SHC3: variants seen among roughly 807,000 people sequenced by gnomAD.
SHC3 encodes the protein SHC adaptor protein 3.
Under a neutral mutation model 60.4 loss-of-function variants are expected in SHC3, and 15 were observed. That is an observed-to-expected ratio of 0.25 (90% confidence interval 0.17 to 0.38). The LOEUF (loss-of-function observed/expected upper bound fraction) is 0.38. Ranked by LOEUF, SHC3 falls within the 10% of genes least tolerant of loss-of-function variation. The pLI, the probability that SHC3 is intolerant of heterozygous loss-of-function variation, is 1.00. For synonymous variants in SHC3, 294 were observed against 325.9 expected, an observed-to-expected ratio of 0.90 and a Z score of 1.05; for missense variants, 677 against 786.1, an observed-to-expected ratio of 0.86 and a Z score of 1.66.
At chr9:89,139,752 T>C (rs527600669) in intron 1 of SHC3, among the ~76,000 whole-genome samples, 1 of 152,326 alleles carries the variant, frequency 6.6e-6, no homozygotes, top group East Asian at 1.9e-4. Context: ...AAGAACACCA[T>C]TACAGTCAAA....
intron 2 of SHC3, among the ~76,000 whole-genome samples, chr9:89,102,242 C>A (rs1825793555): frequency 6.6e-6 from 1 of 152,124 alleles, no homozygotes; most frequent in Non-Finnish European, 1.5e-5. Flanking sequence ...AGCAGTTTAT[C>A]ATGGCATTGA....
chr9:89,037,690 G>T (rs1373924690), intron 11 of SHC3, among the ~76,000 whole-genome samples: 1 of 152,202 alleles, frequency 6.6e-6, no homozygotes, highest in East Asian at 1.9e-4. Context: ...CTAGAAATGT[G>T]TTTGTAAGGA....
chr9:89,060,537 C>T (rs1825070489), intron 6 of SHC3, among the ~76,000 whole-genome samples: 1 of 151,926 alleles, frequency 6.6e-6, no homozygotes, highest in South Asian at 2.1e-4. Context: ...CAAGAGCTTG[C>T]TTGGCACGGT....
intron 6 of SHC3, among the ~76,000 whole-genome samples, chr9:89,054,580 C>G (rs1258057877): frequency 6.6e-6 from 1 of 152,204 alleles, no homozygotes; most frequent in African/African-American, 2.4e-5. Context: ...AATAATGAGG[C>G]CTTCCCCAAA....
intron 1 of SHC3, among the ~76,000 whole-genome samples, chr9:89,156,984 G>T (rs1466093949): frequency 6.6e-6 from 1 of 152,020 alleles, no homozygotes; most frequent in African/African-American, 2.4e-5. Context: ...TTATGACCTT[G>T]CCTATAACTT....
chr9:89,070,868 T>C (rs1587709730), intron 5 of SHC3, among the ~76,000 whole-genome samples: 1 of 152,184 alleles, frequency 6.6e-6, no homozygotes, highest in Non-Finnish European at 1.5e-5. Flanking sequence ...AAACAAAAAG[T>C]AGGGCAAGAG....
intron 6 of SHC3, among the ~76,000 whole-genome samples, chr9:89,058,070 C>T (rs1824984872): frequency 6.6e-6 from 1 of 152,254 alleles, no homozygotes; most frequent in African/African-American, 2.4e-5. Flanking sequence ...TGTTGCCTGA[C>T]TTCAGACTCC....
chr9:89,016,851 T>C (rs1267329483), intron 11 of SHC3, among the ~76,000 whole-genome samples: 1 of 152,236 alleles, frequency 6.6e-6, no homozygotes, highest in Non-Finnish European at 1.5e-5. Flanking sequence ...TATGCGAAGT[T>C]GGTCCAATAT....
chr9:89,096,054 C>A (rs1305700147), intron 2 of SHC3, among the ~76,000 whole-genome samples: 3 of 152,136 alleles, frequency 2.0e-5, no homozygotes, highest in Non-Finnish European at 4.4e-5. Context: ...TGTAAACAAA[C>A]CACAGCTAAA....
At chr9:89,125,567 T>C (rs1826152091) in intron 1 of SHC3, among the ~76,000 whole-genome samples, 1 of 152,060 alleles carries the variant, frequency 6.6e-6, no homozygotes, top group Non-Finnish European at 1.5e-5. Context: ...TCCCAGAAGG[T>C]TAAGGCTTTC....
At chr9:89,148,941 T>C (rs2118210677) in intron 1 of SHC3, among the ~76,000 whole-genome samples, 1 of 152,346 alleles carries the variant, frequency 6.6e-6, no homozygotes, top group East Asian at 1.9e-4. Flanking sequence ...AAGAAAAGAA[T>C]AGAAGTTGGA....
rs1825965013 is a variant in SHC3, at chr9:89,112,565, T to A, written c.536A>T (p.Gln179Leu). Reference sequence around the variant, plus strand: ...TTTCAAGAGGGCTTACCTGGTAATTTGTGTTCTTGTACTGAAGTCAAGAGA... The same window carrying A: ...TTTCAAGAGGGCTTACCTGGTAATTAGTGTTCTTGTACTGAAGTCAAGAGA... ...MRSLDFSTRT[Q>L]ITREAISRVC... is the part of the protein sequence containing the mutation. Residue 179 changes from glutamine to leucine, a missense_variant, in exon 2 of 12, where the codon CAA becomes CTA. Coordinates refer to ENST00000375835, the MANE Select transcript of SHC3 (RefSeq NM_016848.6). 3.7e-6 allele frequency: 6 copies of A among 1,604,444 alleles called. No individual in the cohort carries two copies. The East Asian group carries it at 1.4e-4, about 36-fold the overall frequency.
intron 2 of SHC3, among the ~76,000 whole-genome samples, chr9:89,098,808 CA>C (rs35983816): frequency 2.0e-3 from 266 of 130,500 alleles, no homozygotes; most frequent in Middle Eastern, 0.012. Flanking sequence ...GACCCCATCT[CA>C]AAAAAAAAAA....
intron 2 of SHC3, among the ~76,000 whole-genome samples, chr9:89,081,018 G>A (rs946913507): frequency 5.9e-5 from 9 of 151,854 alleles, no homozygotes; most frequent in Non-Finnish European, 1.0e-4. Flanking sequence ...CGCCCTCCTC[G>A]GCCTCCCAAA....
At position 89,112,651 on chromosome 9, in the gene SHC3, G is replaced by A. The variant is rs186206437; in HGVS notation, c.475-25C>T. On this transcript the variant is annotated intron_variant, in intron 1 of 11. Coordinates refer to ENST00000375835, the MANE Select transcript of SHC3 (RefSeq NM_016848.6). Reference sequence around the variant, plus strand: ...ACTGCAAGGGGAAAAAATGTAAATCGTGAGCCCTGAGATTTGAGATAAAGA... The same window carrying A: ...ACTGCAAGGGGAAAAAATGTAAATCATGAGCCCTGAGATTTGAGATAAAGA... The A allele has an allele frequency of 1.4e-4, 216 of 1,571,212 alleles. No individual in the cohort carries two copies. In the Middle Eastern group the frequency reaches 4.0e-3, roughly 29 times the overall value.
intron 6 of SHC3, among the ~76,000 whole-genome samples, chr9:89,057,050 G>T (rs942091629): frequency 1.3e-5 from 2 of 152,208 alleles, no homozygotes; most frequent in Non-Finnish European, 2.9e-5. Flanking sequence ...CTCTGATCCA[G>T]CCACATTCCA....
At chr9:89,021,963 G>A (rs973105329) in intron 11 of SHC3, among the ~76,000 whole-genome samples, 1 of 152,158 alleles carries the variant, frequency 6.6e-6, no homozygotes, top group Non-Finnish European at 1.5e-5. Context: ...CTCAGAACTT[G>A]TAAGTCACAC....
rs181529544 is a variant in SHC3, at chr9:89,038,094, A to G, written c.1555T>C (p.Phe519Leu). ...AEGLLEKDGD[F>L]LVRKSTTNPG... ...TTGGTGGTGCTCTTCCTGACCAGGA[A>G]GTCTCCGTCTTTCTCCAGCAGCCCC... is the stretch of plus-strand genomic sequence containing the variant. The change falls in exon 11 of 12, where the codon TTC becomes CTC. Residue 519 changes from phenylalanine to leucine, a missense_variant. Physicochemically the swap from Phe to Leu is conservative, Grantham distance 22. Transcript: ENST00000375835. The G allele has an allele frequency of 6.2e-7, 1 of 1,614,092 alleles. No homozygotes were observed. The highest frequency in any genetic ancestry group is 8.5e-7 in the Non-Finnish European group (1 of 1,180,022).
chr9:89,112,590 A>G lies in SHC3; in HGVS notation c.511T>C (p.Ser171Pro), dbSNP rs759280957. 3 of 1,598,316 alleles carry G rather than the reference A, an allele frequency of 1.9e-6. No individual in the cohort carries two copies. Among genetic ancestry groups the G allele is most frequent in the Non-Finnish European group, 8.5e-7 (1 of 1,173,692 alleles). Residue 171 changes from serine (S) to proline (P), a missense_variant, in exon 2 of 12, where the codon TCT becomes CCT. By Grantham distance (74) the Ser-to-Pro change is moderately conservative. Coordinates refer to ENST00000375835, the MANE Select transcript of SHC3 (RefSeq NM_016848.6). ...GCIEVLRSMRSLDFSTRTQIT... is the reference protein window; with the variant it reads ...GCIEVLRSMRPLDFSTRTQIT... ...TGTGTTCTTGTACTGAAGTCAAGAG[A>G]CCTCATTGAGCGCAGAACTTCAATG...
Sources: gnomAD v4.1 joint callset for allele counts (sites outside exome capture counted in the v4.1 genomes callset) on GRCh38, gnomAD v4.1.1 for gene constraint, MANE v1.5 for transcripts, NCBI Gene and HGNC (gene_info 2026-07-23, HGNC 2026-07-21) for gene names.